Variants in STEAP3 observed in about 807,000 individuals in gnomAD.
STEAP3 encodes STEAP3 metalloreductase.
A neutral mutation model predicts 34.9 loss-of-function variants in STEAP3; 35 were observed. The ratio of observed to expected loss-of-function variants is 1.00; its 90% CI spans 0.76 to 1.33. STEAP3 has a LOEUF of 1.33. STEAP3 is among the 40% of genes most tolerant of loss of function. The pLI, the probability that STEAP3 is intolerant of heterozygous loss-of-function variation, is 0.00. For synonymous variants in STEAP3, 281 were observed against 301.6 expected, an observed-to-expected ratio of 0.93 and a Z score of 0.71; for missense variants, 652 against 667.6, an observed-to-expected ratio of 0.98 and a Z score of 0.26.
intron 4 of STEAP3, among the ~76,000 whole-genome samples, chr2:119,251,060 C>A (rs1166498346): frequency 6.6e-6 from 1 of 152,158 alleles, no homozygotes; most frequent in Non-Finnish European, 1.5e-5. Context: ...CAAGCCTGGG[C>A]ACATCCAAGC....
Position 119,226,773 on chromosome 2 carries a change from C to A in STEAP3, c.-394+2885C>A, listed in dbSNP as rs147513830. Among the ~76,000 whole-genome samples the A allele has an allele frequency of 1.1e-4, 17 of 152,308 alleles. No individual in the cohort carries two copies. The East Asian group carries it at 3.1e-3, about 28-fold the overall frequency. On this transcript the variant is annotated intron_variant, in intron 1 of 5. Transcript: ENST00000393110. ...CACCATCCTGCCTGAAATGCCAGTC[C>A]TCATCACTGACATTCAGCCTCCCAT...
At chr2:119,240,425 A>G (rs1677213806) in intron 2 of STEAP3, among the ~76,000 whole-genome samples, 1 of 152,140 alleles carries the variant, frequency 6.6e-6, no homozygotes, top group Non-Finnish European at 1.5e-5. Context: ...CAGCACCTCA[A>G]TCCATACCGA....
At chr2:119,250,236 G>A (rs1447790461) in intron 4 of STEAP3, among the ~76,000 whole-genome samples, 1 of 152,230 alleles carries the variant, frequency 6.6e-6, no homozygotes, top group East Asian at 1.9e-4. Flanking sequence ...GCCAGGCCCT[G>A]GGGCCACAGA....
intron 5 of STEAP3, chr2:119,257,766 CAT>C (rs1309890225): frequency 9.7e-6 from 13 of 1,339,106 alleles, no homozygotes; most frequent in Non-Finnish European, 1.2e-5. Context: ...CCCCTACACA[CAT>C]GTCCACAGCA....
At chr2:119,224,624 G>A (rs1422055763) in intron 1 of STEAP3, among the ~76,000 whole-genome samples, 1 of 152,190 alleles carries the variant, frequency 6.6e-6, no homozygotes, top group Admixed American at 6.5e-5. Flanking sequence ...CCGGATCCGT[G>A]GGGAGAAGCA....
In STEAP3 at chr2:119,264,175, TG is replaced by T. The variant is rs1243976601; in HGVS notation, c.*838del. 2.6e-5 allele frequency: 4 copies of T among 153,060 alleles called. No individual in the cohort carries two copies. The highest frequency in any genetic ancestry group is 5.8e-5 in the Non-Finnish European group (4 of 68,404). The allele number at this position is 153,060 out of a possible 1,614,324, so 9.5% of individuals were successfully genotyped here. ...TGGCGATGAGCGTCCTTTAAACCAC[TG>T]TGCCTTCTCACCCTTTCCATCTTCA... On this transcript the variant is annotated 3_prime_UTR_variant, in exon 6 of 6. Coordinates refer to ENST00000393110, the MANE Select transcript of STEAP3 (RefSeq NM_182915.3).
Position 119,245,844 on chromosome 2 carries a change from C to T in STEAP3, c.378C>T (p.Asn126=), listed in dbSNP as rs749694708. The change falls in exon 3 of 6, where the codon AAC becomes AAT. Residue 126 remains asparagine (N), a synonymous_variant. Coordinates refer to ENST00000393110, the MANE Select transcript of STEAP3 (RefSeq NM_182915.3). ...GCAAGATCCTGGTGGATGTGAGCAA[C>T]CCTACAGAGCAAGAGCACCTTCAGC... ...LAGKILVDVS[N]PTEQEHLQHR... 3.1e-6 allele frequency: 5 copies of T among 1,614,016 alleles called. 1 individual carries two copies. The South Asian group carries it at 3.3e-5, about 11-fold the overall frequency.
rs1677506315 is a variant in STEAP3, at chr2:119,248,178, A to G, written c.1022A>G (p.Tyr341Cys). The change falls in exon 4 of 6, where the codon TAC (tyrosine) becomes TGC (cysteine). Residue 341 changes from tyrosine (Y) to cysteine (C), a missense_variant. Transcript: ENST00000393110. ...FCLPLRRAHR[Y>C]DLVNLAVKQV... Reference sequence around the variant, plus strand: ...TTGCCGCTGCGCCGCGCCCACCGCTACGACCTGGTCAACCTGGCAGTCAAG... The same window carrying G: ...TTGCCGCTGCGCCGCGCCCACCGCTGCGACCTGGTCAACCTGGCAGTCAAG... The G allele has an allele frequency of 1.3e-6, 2 of 1,597,258 alleles. No individual in the cohort carries two copies. The highest frequency in any genetic ancestry group is 1.7e-6 in the Non-Finnish European group (2 of 1,171,996).
chr2:119,248,494 C>T, intron 4 of STEAP3: 1 of 409,202 alleles, frequency 2.4e-6, no homozygotes, highest in Non-Finnish European at 4.4e-6. Context: ...ATCAGGAGTG[C>T]TAAGGCGCAA....
chr2:119,255,079 G>C (rs1186378898), intron 5 of STEAP3, among the ~76,000 whole-genome samples: 3 of 152,176 alleles, frequency 2.0e-5, no homozygotes, highest in African/African-American at 4.8e-5. Flanking sequence ...ACAGGCATGT[G>C]AAAAAATTAC....
At position 119,264,811 on chromosome 2, in the gene STEAP3, C is replaced by CCG. The variant is rs1553441857; in HGVS notation, c.*1474_*1475insGC. 7.8e-6 allele frequency: 1 copy of CCG among 128,236 alleles called. No individual in the cohort carries two copies. The highest frequency in any genetic ancestry group is 2.8e-5 in the African/African-American group (1 of 35,088). 7.9% of individuals were successfully genotyped at this position (128,236 alleles called of 1,614,324 possible). On this transcript the variant is annotated 3_prime_UTR_variant, in exon 6 of 6. Coordinates refer to ENST00000393110, the MANE Select transcript of STEAP3 (RefSeq NM_182915.3). ...CAGATGAGGCTGCCCCTGCCCCCCC[C>CCG]CCGCCAGGGAGGTTTCATGAGCTCA... is the stretch of plus-strand genomic sequence containing the variant.
intron 2 of STEAP3, among the ~76,000 whole-genome samples, chr2:119,236,686 C>T (rs954602227): frequency 6.6e-6 from 1 of 152,202 alleles, no homozygotes. Context: ...AGATCTGCAG[C>T]TGTGTGCATG....
At position 119,265,203 on chromosome 2, in the gene STEAP3, G is replaced by A. The variant is rs1678074090; in HGVS notation, c.*1865G>A. ...CGGTGGGTACTGGCTGCCTGCCCTG[G>A]GCCAGGGAATGGCTCCTTATACCAA... On this transcript the variant is annotated 3_prime_UTR_variant, in exon 6 of 6. Transcript: ENST00000393110. The A allele has an allele frequency of 6.6e-6, 1 of 152,320 alleles. No homozygotes were observed. Among genetic ancestry groups the A allele is most frequent in the African/African-American group, 2.4e-5 (1 of 41,450 alleles). 9.4% of individuals were successfully genotyped at this position (152,320 alleles called of 1,614,324 possible). A position where few individuals can be genotyped will look rare whatever the true frequency, so the allele number is the denominator to read the frequency against.
chr2:119,248,205 A>G lies in STEAP3; in HGVS notation c.1049A>G (p.Gln350Arg). Residue 350 changes from glutamine to arginine, a missense_variant and splice_region_variant, in exon 4 of 6, where the codon CAG becomes CGG. Gln to Arg is a conservative substitution (Grantham distance 43). Transcript: ENST00000393110. Reference protein sequence around the residue: ...RYDLVNLAVKQVLANKSHLWV... With the variant: ...RYDLVNLAVKRVLANKSHLWV... Reference sequence around the variant, plus strand: ...GACCTGGTCAACCTGGCAGTCAAGCAGGTACCCACCCCATGCCCTTCCTCC... The same window carrying G: ...GACCTGGTCAACCTGGCAGTCAAGCGGGTACCCACCCCATGCCCTTCCTCC... 6.3e-7 allele frequency: 1 copy of G among 1,579,428 alleles called. No individual in the cohort carries two copies.
At position 119,258,874 on chromosome 2, in the gene STEAP3, G is replaced by A. The variant is rs186064069; in HGVS notation, c.1215+4026G>A. Among the ~76,000 whole-genome samples the A allele has an allele frequency of 6.0e-5, 9 of 150,260 alleles. No individual in the cohort carries two copies. In the East Asian group the frequency reaches 1.6e-3, roughly 26 times the overall value. On this transcript the variant is annotated intron_variant, in intron 5 of 5. Transcript: ENST00000393110. The stretch of plus-strand genomic sequence containing the variant: ...CCTGACCTCATGATCCGCCTGCCTC[G>A]GCCTTCCAAAGTGCTGGGATTATAG...
In STEAP3 at chr2:119,263,502, T is replaced by G. The variant is rs1454245915; in HGVS notation, c.*164T>G. 7 of 831,838 alleles carry G rather than the reference T, an allele frequency of 8.4e-6. No homozygotes were observed. The highest frequency in any genetic ancestry group is 1.2e-5 in the Non-Finnish European group (6 of 507,890). 51.5% of individuals were successfully genotyped at this position (831,838 alleles called of 1,614,324 possible). A position where few individuals can be genotyped will look rare whatever the true frequency, so the allele number is the denominator to read the frequency against. ...ATGTATGCAGTACTATTCAGAATGA[T>G]ATACACACATATGTGTATATGTATT... is the stretch of plus-strand genomic sequence containing the variant. On this transcript the variant is annotated 3_prime_UTR_variant, in exon 6 of 6. Coordinates refer to ENST00000393110, the MANE Select transcript of STEAP3 (RefSeq NM_182915.3).
chr2:119,250,732 C>A lies in STEAP3; in HGVS notation c.1050+2526C>A, dbSNP rs371007906. 1.7e-4 allele frequency among the ~76,000 whole-genome samples: 26 copies of A among 152,282 alleles called. 1 individual carries two copies. The South Asian group carries it at 5.0e-3, about 29-fold the overall frequency. On this transcript the variant is annotated intron_variant, in intron 4 of 5. Coordinates refer to ENST00000393110, the MANE Select transcript of STEAP3 (RefSeq NM_182915.3). ...GCCTTTGTCTAAATTCTCTGCCCTGCCAAGGCTCTCCCTGATATTCTGTTA... is the reference window on the plus strand; with the variant it reads ...GCCTTTGTCTAAATTCTCTGCCCTGACAAGGCTCTCCCTGATATTCTGTTA...
intron 2 of STEAP3, among the ~76,000 whole-genome samples, chr2:119,240,572 A>C (rs1677218257): frequency 1.3e-5 from 2 of 152,260 alleles, no homozygotes; most frequent in South Asian, 4.1e-4. Flanking sequence ...AAGAGCAGAC[A>C]GGAGCTGGCA....
chr2:119,256,314 A>G (rs1174358728), intron 5 of STEAP3, among the ~76,000 whole-genome samples: 1 of 152,152 alleles, frequency 6.6e-6, no homozygotes, highest in Non-Finnish European at 1.5e-5. Flanking sequence ...AGGAGGGCTC[A>G]TGGCTGACAC....
Sources: gnomAD v4.1 joint callset for allele counts (sites outside exome capture counted in the v4.1 genomes callset) on GRCh38, gnomAD v4.1.1 for gene constraint, MANE v1.5 for transcripts, NCBI Gene and HGNC (gene_info 2026-07-23, HGNC 2026-07-21) for gene names.